The following ITSN1 variants were observed in gnomAD, a reference collection of about 807,000 sequenced individuals.
ITSN1 encodes the protein intersectin 1.
ITSN1 carries 58 observed loss-of-function variants against 239.8 expected under a neutral mutation model. The observed-to-expected ratio is 0.24, with a 90% CI of 0.20 to 0.30. The LOEUF is 0.30. ITSN1 is among the 10% of genes least tolerant of loss of function. ITSN1 has a pLI of 1.00. For synonymous variants in ITSN1, 780 were observed against 770.8 expected, an observed-to-expected ratio of 1.01 and a Z score of -0.20; for missense variants, 1,558 against 2,103.3, an observed-to-expected ratio of 0.74 and a Z score of 5.07.
chr21:33,824,955 TC>T (rs1602461369), intron 25 of ITSN1, among the ~76,000 whole-genome samples: 1 of 152,140 alleles, frequency 6.6e-6, no homozygotes, highest in African/African-American at 2.4e-5. Context: ...AACAGAGAAT[TC>T]AATTCTTCTC....
At chr21:33,821,460 A>G (rs2073670580) in intron 24 of ITSN1, among the ~76,000 whole-genome samples, 1 of 152,260 alleles carries the variant, frequency 6.6e-6, no homozygotes, top group African/African-American at 2.4e-5. Flanking sequence ...TGTAAACCAG[A>G]TAAAATAGAT....
At chr21:33,661,757 T>G (rs991702294) in intron 1 of ITSN1, among the ~76,000 whole-genome samples, 1 of 152,116 alleles carries the variant, frequency 6.6e-6, no homozygotes, top group African/African-American at 2.4e-5. Context: ...TCTTAGGAGA[T>G]CTGATGGTTT....
intron 2 of ITSN1, among the ~76,000 whole-genome samples, chr21:33,720,777 CCTT>C (rs758259612): frequency 9.9e-5 from 15 of 152,112 alleles, no homozygotes; most frequent in African/African-American, 3.4e-4. Flanking sequence ...ATCACACTCA[CCTT>C]CTTCTTTCAT....
chr21:33,727,117 G>C (rs140333457), intron 4 of ITSN1, among the ~76,000 whole-genome samples: 1 of 152,092 alleles, frequency 6.6e-6, no homozygotes, highest in Non-Finnish European at 1.5e-5. Context: ...TCAAGTCAGT[G>C]TGTGTCATGC....
At chr21:33,793,857 T>C (rs1349257247) in intron 16 of ITSN1, among the ~76,000 whole-genome samples, 1 of 152,194 alleles carries the variant, frequency 6.6e-6, no homozygotes. Flanking sequence ...CAAAGAGATG[T>C]CCATTTGTTC....
intron 1 of ITSN1, among the ~76,000 whole-genome samples, chr21:33,710,523 CTATT>C (rs1259405822): frequency 4.6e-5 from 7 of 152,136 alleles, no homozygotes; most frequent in East Asian, 1.9e-4. Flanking sequence ...CTAGGATAAA[CTATT>C]TGGTTATATT....
rs1986987585 is a variant in ITSN1, at chr21:33,899,669, T to C, written c.*11369T>C. The C allele has an allele frequency of 6.6e-6, 1 of 152,230 alleles. No homozygotes were observed. The highest frequency in any genetic ancestry group is 6.5e-5 in the Admixed American group (1 of 15,278). 9.4% of individuals were successfully genotyped at this position (152,230 alleles called of 1,614,324 possible). A position where few individuals can be genotyped will look rare whatever the true frequency, so the allele number is the denominator to read the frequency against. On this transcript the variant is annotated 3_prime_UTR_variant, in exon 40 of 40. Coordinates refer to ENST00000381318, the MANE Select transcript of ITSN1 (RefSeq NM_003024.3). Reference sequence around the variant, plus strand: ...TGTGTGAAATGTTAAATTTTACCGATTAAGATGATGGTAACTGAGACCTTT... The same window carrying C: ...TGTGTGAAATGTTAAATTTTACCGACTAAGATGATGGTAACTGAGACCTTT...
rs1303557360 is a variant in ITSN1 at position 33,851,368 on chromosome 21, AGCACAGCACACGG to A, written c.3662-5365_3662-5353del. ...CTGAGGTCCTACTGTCTCCACCATC[AGCACAGCACACGG>A]GCTCTTTTTTCTTTTCTTTTTTTTC... is the stretch of plus-strand genomic sequence containing the variant. On this transcript the variant is annotated intron_variant, in intron 29 of 39. Coordinates refer to ENST00000381318, the MANE Select transcript of ITSN1 (RefSeq NM_003024.3). Among the ~76,000 whole-genome samples, 4 of 151,786 alleles carry A rather than the reference AGCACAGCACACGG, an allele frequency of 2.6e-5. No individual in the cohort carries two copies. In the East Asian group the frequency reaches 7.7e-4, roughly 29 times the overall value.
chr21:33,765,012 G>T (rs374205127), intron 9 of ITSN1, among the ~76,000 whole-genome samples: 2 of 152,350 alleles, frequency 1.3e-5, no homozygotes, highest in East Asian at 3.9e-4. Flanking sequence ...TGCCCAGTGG[G>T]CCGAATCTGG....
At chr21:33,877,564 G>A (rs1209194876) in intron 34 of ITSN1, among the ~76,000 whole-genome samples, 2 of 152,084 alleles carry the variant, frequency 1.3e-5, no homozygotes, top group African/African-American at 4.8e-5. Flanking sequence ...ATGTTTTATT[G>A]CTCATCCCCT....
At chr21:33,840,918 T>A (rs1420982625) in intron 29 of ITSN1, among the ~76,000 whole-genome samples, 1 of 152,130 alleles carries the variant, frequency 6.6e-6, no homozygotes, top group South Asian at 2.1e-4. Context: ...ACAAGATGAG[T>A]CCAAATGAGA....
intron 9 of ITSN1, among the ~76,000 whole-genome samples, chr21:33,765,405 G>C (rs1339676835): frequency 6.6e-6 from 1 of 152,190 alleles, no homozygotes; most frequent in Non-Finnish European, 1.5e-5. Flanking sequence ...GCTGAGGCAG[G>C]AGGATCATTT....
rs1986478255 is a variant in ITSN1 at position 33,893,208 on chromosome 21, A to C, written c.*4908A>C. ...GCCCAGGGCCCGCCTTCTAGAGTGA[A>C]TGTTTCCCTCGAGCCCTTGGATATT... On this transcript the variant is annotated 3_prime_UTR_variant, in exon 40 of 40. Coordinates refer to ENST00000381318, the MANE Select transcript of ITSN1 (RefSeq NM_003024.3). 1 of 152,238 alleles carries C rather than the reference A, an allele frequency of 6.6e-6. No individual in the cohort carries two copies. The highest frequency in any genetic ancestry group is 2.4e-5 in the African/African-American group (1 of 41,442). 9.4% of individuals were successfully genotyped at this position (152,238 alleles called of 1,614,324 possible).
rs1471893861 is a variant in ITSN1 at position 33,836,485 on chromosome 21, G to A, written c.3514G>A (p.Asp1172Asn). The A allele has an allele frequency of 1.9e-6, 3 of 1,613,890 alleles. No individual in the cohort carries two copies. Among genetic ancestry groups the A allele is most frequent in the Non-Finnish European group, 1.7e-6 (2 of 1,179,854 alleles). Residue 1172 changes from aspartate to asparagine, a missense_variant, in exon 29 of 40, where the codon GAT becomes AAT. Transcript: ENST00000381318. ...GMYDYTAQND[D>N]ELAFNKGQII... ...GTACGACTACACCGCGCAGAATGAC[G>A]ATGAGCTGGCCTTCAACAAGGGCCA...
intron 29 of ITSN1, among the ~76,000 whole-genome samples, chr21:33,845,549 C>G (rs1387847234): frequency 6.6e-6 from 1 of 151,950 alleles, no homozygotes; most frequent in Non-Finnish European, 1.5e-5. Context: ...CTGATCTGCC[C>G]CCTTCTCCAG....
chr21:33,738,240 A>T (rs545846711), intron 5 of ITSN1, among the ~76,000 whole-genome samples: 15 of 152,090 alleles, frequency 9.9e-5, no homozygotes, highest in Non-Finnish European at 1.9e-4. Context: ...CCTTATATAT[A>T]GTATGTGCCT....
chr21:33,850,642 C>T (rs2075132070), intron 29 of ITSN1, among the ~76,000 whole-genome samples: 1 of 152,218 alleles, frequency 6.6e-6, no homozygotes, highest in South Asian at 2.1e-4. Flanking sequence ...TGCTGCTTCA[C>T]AGCAGGAGTA....
chr21:33,704,637 G>A (rs933948295), intron 1 of ITSN1, among the ~76,000 whole-genome samples: 1 of 152,046 alleles, frequency 6.6e-6, no homozygotes, highest in Non-Finnish European at 1.5e-5. Context: ...CTTTCCATTC[G>A]TTATTATAAG....
intron 8 of ITSN1, among the ~76,000 whole-genome samples, chr21:33,760,824 A>G (rs936175325): frequency 6.6e-6 from 1 of 152,196 alleles, no homozygotes; most frequent in Non-Finnish European, 1.5e-5. Context: ...TCTGTCCAGC[A>G]GTCTTCCTGG....
Sources: allele counts gnomAD v4.1 joint callset (sites outside exome capture counted in the v4.1 genomes callset), GRCh38; gene constraint gnomAD v4.1.1; transcripts MANE v1.5; gene names NCBI Gene and HGNC (gene_info 2026-07-23, HGNC 2026-07-21).